The following PANK2 variants were observed in gnomAD, a reference collection of about 807,000 sequenced individuals.
PANK2 encodes pantothenate kinase 2.
In PANK2, 36 loss-of-function variants were observed where a neutral mutation model predicts 43.1. The ratio of observed to expected loss-of-function variants is 0.84; its 90% CI spans 0.64 to 1.10. The LOEUF (loss-of-function observed/expected upper bound fraction) is 1.10, where lower values mean the gene tolerates loss of function less well. Ranked by LOEUF, PANK2 falls within the 50% of genes least tolerant of loss-of-function variation. The probability of loss-of-function intolerance (pLI) is 0.00; values close to 1 mark genes in which losing one functional copy is unlikely to be tolerated. For missense variants in PANK2, 576 were observed against 593.3 expected, an observed-to-expected ratio of 0.97 and a Z score of 0.30; for synonymous variants, 281 against 238.2, an observed-to-expected ratio of 1.18 and a Z score of -1.66.
chr20:3,890,720 C>T (rs1052414468), intron 1 of PANK2, among the ~76,000 whole-genome samples: 1 of 152,174 alleles, frequency 6.6e-6, no homozygotes, highest in East Asian at 1.9e-4. Context: ...TAGTCTTCTA[C>T]CTTAGCCCAG....
At chr20:3,891,285 T>C (rs965380031) in intron 1 of PANK2, 1 of 152,206 alleles carries the variant, frequency 6.6e-6, no homozygotes, top group Non-Finnish European at 1.5e-5. Flanking sequence ...CTTGAATTCC[T>C]CCTGGTCTCA....
At position 3,925,322 on chromosome 20, in the gene PANK2, C is replaced by G. The variant is rs2090704478; in HGVS notation, c.*2028C>G. The G allele has an allele frequency of 6.6e-6, 1 of 152,490 alleles. No individual in the cohort carries two copies. The highest frequency in any genetic ancestry group is 1.5e-5 in the Non-Finnish European group (1 of 68,218). 9.4% of individuals were successfully genotyped at this position (152,490 alleles called of 1,614,324 possible). A position where few individuals can be genotyped will look rare whatever the true frequency, so the allele number is the denominator to read the frequency against. ...GATCTCAGCTCACTGCAACCTCTGC[C>G]TTCCAGGCTCAAGCAATTCTCCTGC... On this transcript the variant is annotated 3_prime_UTR_variant, in exon 7 of 7. Transcript: ENST00000610179.
rs201724612 is a variant in PANK2, at chr20:3,892,152, G to C, written c.298+2424G>C. On this transcript the variant is annotated intron_variant, in intron 1 of 6. Coordinates refer to ENST00000610179, the MANE Select transcript of PANK2 (RefSeq NM_001386393.1). Reference sequence around the variant, plus strand: ...GGAGTTCGAGACCAGAGACCAGCCTGGCCAGCATGTTGAAACCCCGTCTCT... The same window carrying C: ...GGAGTTCGAGACCAGAGACCAGCCTCGCCAGCATGTTGAAACCCCGTCTCT... Among the ~76,000 whole-genome samples, 35 of 152,220 alleles carry C rather than the reference G, an allele frequency of 2.3e-4. No individual in the cohort carries two copies. The East Asian group carries it at 6.2e-3, about 27-fold the overall frequency.
chr20:3,913,752 G>A (rs2090507150), intron 4 of PANK2, among the ~76,000 whole-genome samples: 1 of 143,898 alleles, frequency 6.9e-6, no homozygotes, highest in South Asian at 2.3e-4. Context: ...GTAAGTCTTT[G>A]TATGTATGCA....
intron 1 of PANK2, among the ~76,000 whole-genome samples, chr20:3,898,548 G>A (rs1394386031): frequency 3.3e-5 from 5 of 152,046 alleles, no homozygotes; most frequent in South Asian, 2.1e-4. Flanking sequence ...AGATGTTTCC[G>A]TTTAAGTACT....
chr20:3,899,549 C>T (rs2090266165), intron 1 of PANK2, among the ~76,000 whole-genome samples: 1 of 150,506 alleles, frequency 6.6e-6, no homozygotes, highest in Non-Finnish European at 1.5e-5. Context: ...AATTCTCTTT[C>T]TACCATAATT....
intron 6 of PANK2, among the ~76,000 whole-genome samples, chr20:3,922,834 C>T (rs1467312401): frequency 2.6e-5 from 4 of 152,206 alleles, no homozygotes; most frequent in African/African-American, 9.7e-5. Context: ...TCACCTGTTT[C>T]ATTGCACTTT....
At chr20:3,913,620 C>T (rs1056632437) in intron 4 of PANK2, among the ~76,000 whole-genome samples, 2 of 151,654 alleles carry the variant, frequency 1.3e-5, no homozygotes, top group Non-Finnish European at 2.9e-5. Context: ...CAGGTGTGAG[C>T]CACCGCGCCC....
chr20:3,912,784 T>A, intron 4 of PANK2, 150 bp downstream of exon 4: 1 of 828,626 alleles, frequency 1.2e-6, no homozygotes, highest in Non-Finnish European at 1.8e-6. Context: ...ACCCTGTCTC[T>A]ACTAAAAATA....
At chr20:3,908,409 T>A in intron 2 of PANK2, 131 bp downstream of exon 2, 1 of 924,288 alleles carries the variant, frequency 1.1e-6, no homozygotes, top group Non-Finnish European at 1.6e-6. Flanking sequence ...AGATTAAAGG[T>A]ACGCTAGTGA....
In PANK2 at chr20:3,929,037, G is replaced by A. The variant is rs1254096980; in HGVS notation, c.*5743G>A. On this transcript the variant is annotated 3_prime_UTR_variant, in exon 7 of 7. Coordinates refer to ENST00000610179, the MANE Select transcript of PANK2 (RefSeq NM_001386393.1). ...CAAATTTTTGTATTTTTAGTAGAGG[G>A]GGTTTCACCATATTGGTCAGGCTGG... 1.3e-5 allele frequency: 2 copies of A among 151,970 alleles called. 1 individual carries two copies. Among genetic ancestry groups the A allele is most frequent in the Non-Finnish European group, 2.9e-5 (2 of 68,044 alleles). 9.4% of individuals were successfully genotyped at this position (151,970 alleles called of 1,614,324 possible).
chr20:3,916,431 A>G (rs1052227669), intron 4 of PANK2, among the ~76,000 whole-genome samples: 2 of 152,192 alleles, frequency 1.3e-5, no homozygotes, highest in Admixed American at 6.6e-5. Flanking sequence ...TCTGCTGAGC[A>G]TGTACTTTGA....
chr20:3,914,090 G>A (rs1002878626), intron 4 of PANK2, among the ~76,000 whole-genome samples: 1 of 151,634 alleles, frequency 6.6e-6, no homozygotes, highest in Non-Finnish European at 1.5e-5. Flanking sequence ...CGCCTGGCCT[G>A]CACATATATT....
Position 3,928,063 on chromosome 20 carries a change from TA to T in PANK2, c.*4771del, listed in dbSNP as rs1159832934. On this transcript the variant is annotated 3_prime_UTR_variant, in exon 7 of 7. Coordinates refer to ENST00000610179, the MANE Select transcript of PANK2 (RefSeq NM_001386393.1). ...TCCCCAGCACATGGGGATCCCTTAT[TA>T]ATCTTTACTAAAGAACCGTGAACCA... 6.6e-6 allele frequency: 1 copy of T among 152,192 alleles called. No individual in the cohort carries two copies. Among genetic ancestry groups the T allele is most frequent in the Non-Finnish European group, 1.5e-5 (1 of 68,032 alleles). The allele number at this position is 152,192 out of a possible 1,614,324, so 9.4% of individuals were successfully genotyped here. A position where few individuals can be genotyped will look rare whatever the true frequency, so the allele number is the denominator to read the frequency against.
Position 3,889,690 on chromosome 20 carries a change from C to T in PANK2, c.260C>T (p.Ser87Phe), listed in dbSNP as rs1253487754. 6.3e-7 allele frequency: 1 copy of T among 1,595,342 alleles called. No homozygotes were observed. Among genetic ancestry groups the T allele is most frequent in the Non-Finnish European group, 8.5e-7 (1 of 1,178,762 alleles). Residue 87 changes from serine to phenylalanine, a missense_variant, in exon 1 of 7, where the codon TCC (serine) becomes TTC (phenylalanine). By Grantham distance (155) the Ser-to-Phe change is radical. Coordinates refer to ENST00000610179, the MANE Select transcript of PANK2 (RefSeq NM_001386393.1). ...TCTTACAGCGGCCCCACCTCGGTCT[C>T]CCGCCAGCGCGTCGAAAGCCTGAGG...
intron 1 of PANK2, among the ~76,000 whole-genome samples, chr20:3,906,077 T>C (rs2090382501): frequency 6.6e-6 from 1 of 152,162 alleles, no homozygotes; most frequent in African/African-American, 2.4e-5. Flanking sequence ...GTACAGATGC[T>C]TTTTGACTTA....
chr20:3,919,298 A>T (rs937107519), intron 6 of PANK2, among the ~76,000 whole-genome samples: 11 of 148,160 alleles, frequency 7.4e-5, no homozygotes, highest in African/African-American at 2.6e-4. Flanking sequence ...ATTTAATTGT[A>T]AGCTTAAGGA....
chr20:3,910,967 G>GA, intron 3 of PANK2, 137 bp downstream of exon 3: 2 of 1,118,242 alleles, frequency 1.8e-6, no homozygotes, highest in Non-Finnish European at 2.6e-6. Flanking sequence ...GTTTCTCTTT[G>GA]AAAATTCTGA....
At chr20:3,901,627 TTA>T in intron 1 of PANK2, 2 of 977,742 alleles carry the variant, frequency 2.0e-6, no homozygotes, top group African/African-American at 1.7e-5. Context: ...TGTAAGTATT[TTA>T]GTTTCAGATT....
Sources: allele counts gnomAD v4.1 joint callset (sites outside exome capture counted in the v4.1 genomes callset), GRCh38; gene constraint gnomAD v4.1.1; transcripts MANE v1.5; gene names NCBI Gene and HGNC (gene_info 2026-07-23, HGNC 2026-07-21).